The following NAV3 variants were observed in gnomAD, a reference collection of about 807,000 sequenced individuals.
NAV3 encodes the protein neuron navigator 3.
A neutral mutation model predicts 244.7 loss-of-function variants in NAV3; 87 were observed. The ratio of observed to expected loss-of-function variants is 0.36; its 90% CI spans 0.30 to 0.42. NAV3 has a LOEUF of 0.42. Among genes scored for constraint, NAV3 ranks in the 20% least tolerant of loss-of-function variants. The pLI is 1.00. For synonymous variants in NAV3, 1,126 were observed against 1,042.2 expected (o/e 1.08, Z -1.55); for missense variants, 2,663 against 2,893.3 (o/e 0.92, Z 1.83).
intron 1 of NAV3, among the ~76,000 whole-genome samples, chr12:77,928,503 C>T (rs1888456495): frequency 6.6e-6 from 1 of 152,076 alleles, no homozygotes; most frequent in African/African-American, 2.4e-5. Flanking sequence ...TCCCTCCCTT[C>T]CTCATTAACG....
chr12:77,916,500 CAT>C (rs1296682068), intron 1 of NAV3, among the ~76,000 whole-genome samples: 1 of 149,828 alleles, frequency 6.7e-6, no homozygotes, highest in African/African-American at 2.5e-5. Flanking sequence ...CATGTGTTGA[CAT>C]GTGGGGAGGG....
rs544905512 is a variant in NAV3, at chr12:77,609,473, T to A, written c.72+37207T>A. ...TGCTGCTAATCCACTGTTAAATGTT[T>A]GAAGAGCATTGTATCTACCTCAGTA... On this transcript the variant is annotated intron_variant, in intron 2 of 8. Coordinates refer to the NAV3 transcript ENST00000550042. Among the ~76,000 whole-genome samples the A allele has an allele frequency of 3.8e-4, 58 of 152,204 alleles. No homozygotes were observed. In the South Asian group the frequency reaches 0.012, roughly 31 times the overall value.
intron 2 of NAV3, among the ~76,000 whole-genome samples, chr12:77,648,533 T>C: frequency 6.6e-6 from 1 of 152,128 alleles, no homozygotes; most frequent in East Asian, 1.9e-4. Context: ...AACTGATTAT[T>C]CAAGTATTTC....
intron 6 of NAV3, among the ~76,000 whole-genome samples, chr12:77,998,022 TA>T (rs1566000843): frequency 6.6e-6 from 1 of 152,242 alleles, no homozygotes; most frequent in Non-Finnish European, 1.5e-5. Context: ...ACTTTTCACA[TA>T]ATTGTTACAG....
intron 2 of NAV3, among the ~76,000 whole-genome samples, chr12:77,643,566 C>T (rs1872508313): frequency 6.6e-6 from 1 of 151,418 alleles, no homozygotes; most frequent in Non-Finnish European, 1.5e-5. Context: ...GGTATAGTTA[C>T]CAAAAGATTT....
At chr12:78,036,825 A>G (rs1234893747) in intron 9 of NAV3, 2 of 645,018 alleles carry the variant, frequency 3.1e-6, no homozygotes, top group Non-Finnish European at 2.8e-6. Flanking sequence ...ACAAGACAAT[A>G]TGAAGTCCAA....
chr12:77,585,505 C>T (rs1869560869), intron 2 of NAV3, among the ~76,000 whole-genome samples: 1 of 151,894 alleles, frequency 6.6e-6, no homozygotes, highest in South Asian at 2.1e-4. Context: ...AAAATGAAAA[C>T]ACATTATTCT....
At chr12:77,627,869 A>C (rs1030986437) in intron 2 of NAV3, among the ~76,000 whole-genome samples, 3 of 152,202 alleles carry the variant, frequency 2.0e-5, no homozygotes, top group Non-Finnish European at 4.4e-5. Flanking sequence ...TTGCAGCAAC[A>C]TGGTGGAAAT....
intron 2 of NAV3, among the ~76,000 whole-genome samples, chr12:77,657,924 C>G (rs1165251033): frequency 2.0e-5 from 3 of 152,166 alleles, no homozygotes; most frequent in Non-Finnish European, 2.9e-5. Context: ...ATGCTAAAAA[C>G]TCTCAATAAA....
chr12:77,872,782 G>A (rs940182163), intron 1 of NAV3, among the ~76,000 whole-genome samples: 1 of 152,102 alleles, frequency 6.6e-6, no homozygotes, highest in Non-Finnish European at 1.5e-5. Flanking sequence ...AACCAATGAG[G>A]AGCTGTTTAT....
intron 1 of NAV3, among the ~76,000 whole-genome samples, chr12:77,911,412 G>A (rs912000797): frequency 3.3e-5 from 5 of 152,042 alleles, no homozygotes; most frequent in African/African-American, 7.2e-5. Flanking sequence ...AATGTTCAAG[G>A]TTTTCAATCT....
chr12:77,823,104 G>C (rs1483609661), intron 2 of NAV3, among the ~76,000 whole-genome samples: 1 of 152,144 alleles, frequency 6.6e-6, no homozygotes, highest in Non-Finnish European at 1.5e-5. Flanking sequence ...TGTGCTAGTT[G>C]ACTTCCTGGA....
chr12:77,840,191 A>T (rs1030229661), intron 1 of NAV3, among the ~76,000 whole-genome samples: 6 of 152,228 alleles, frequency 3.9e-5, no homozygotes, highest in African/African-American at 1.4e-4. Flanking sequence ...TGTGTTTATA[A>T]ACCTACAGGT....
intron 1 of NAV3, among the ~76,000 whole-genome samples, chr12:77,865,576 T>C (rs1879880216): frequency 6.6e-6 from 1 of 152,100 alleles, no homozygotes; most frequent in Non-Finnish European, 1.5e-5. Context: ...AAATTAATTT[T>C]GTTTGAGTTT....
chr12:77,599,395 T>C (rs1363650043), intron 2 of NAV3, among the ~76,000 whole-genome samples: 1 of 151,958 alleles, frequency 6.6e-6, no homozygotes, highest in Non-Finnish European at 1.5e-5. Context: ...GCAGGGAATA[T>C]AACCATAAAA....
At chr12:77,697,303 G>C (rs973903675) in intron 2 of NAV3, among the ~76,000 whole-genome samples, 2 of 152,056 alleles carry the variant, frequency 1.3e-5, no homozygotes, top group Admixed American at 6.6e-5. Context: ...TTGTAGTGGG[G>C]CATCTGCCAA....
intron 16 of NAV3, among the ~76,000 whole-genome samples, chr12:78,126,577 A>T (rs942905793): frequency 6.6e-6 from 1 of 152,202 alleles, no homozygotes; most frequent in Non-Finnish European, 1.5e-5. Context: ...CTAATTTATG[A>T]TTTCTAAAAG....
intron 2 of NAV3, among the ~76,000 whole-genome samples, chr12:77,580,405 G>GA (rs1345434842): frequency 1.3e-5 from 2 of 152,130 alleles, no homozygotes; most frequent in African/African-American, 4.8e-5. Context: ...ACCGTCTGCT[G>GA]GTTCCCTGGA....
intron 2 of NAV3, among the ~76,000 whole-genome samples, chr12:77,596,972 G>A (rs1227237880): frequency 6.6e-6 from 1 of 152,116 alleles, no homozygotes; most frequent in East Asian, 1.9e-4. Flanking sequence ...CAAGGCTTGA[G>A]TACTTCTATG....
Sources: allele counts gnomAD v4.1 joint callset (sites outside exome capture counted in the v4.1 genomes callset), GRCh38; gene constraint gnomAD v4.1.1; transcripts MANE v1.5; gene names NCBI Gene and HGNC (gene_info 2026-07-23, HGNC 2026-07-21).